The following PSMG4 variants were observed in gnomAD, a reference collection of about 807,000 sequenced individuals.
PSMG4 encodes the protein proteasome assembly chaperone 4.
In PSMG4, 10 loss-of-function variants were observed where a neutral mutation model predicts 11.0. That is an observed-to-expected ratio of 0.91 (90% CI 0.56 to 1.54). The LOEUF (loss-of-function observed/expected upper bound fraction) is 1.54, where lower values mean the gene tolerates loss of function less well. Ranked by LOEUF, PSMG4 falls within the 40% of genes most tolerant of loss-of-function variation. The pLI, the probability that PSMG4 is intolerant of heterozygous loss-of-function variation, is 0.00. For missense variants in PSMG4, 198 were observed against 160.9 expected (o/e 1.23, Z -1.25); for synonymous variants, 95 against 71.3 (o/e 1.33, Z -1.68).
At chr6:3,258,761 G>T, upstream of PSMG4, 1 of 339,664 alleles carries the variant, frequency 2.9e-6, no homozygotes, top group Non-Finnish European at 5.3e-6. Context: ...AGCCCGTCCA[G>T]AGAGGTACTG....
At chr6:3,254,698 C>A (rs552063579), upstream of PSMG4, among the ~76,000 whole-genome samples, 2 of 152,132 alleles carry the variant, frequency 1.3e-5, no homozygotes, top group African/African-American at 4.8e-5. Context: ...CAGAAAGAAG[C>A]TGTGGGATGC....
upstream of PSMG4, among the ~76,000 whole-genome samples, chr6:3,254,598 A>G (rs1364638472): frequency 1.3e-5 from 2 of 152,092 alleles, no homozygotes; most frequent in Non-Finnish European, 2.9e-5. Flanking sequence ...GGAAGTAAAT[A>G]ATTCCAGTAG....
intron 1 of PSMG4, among the ~76,000 whole-genome samples, chr6:3,259,832 C>T (rs1010696423): frequency 3.3e-5 from 5 of 152,206 alleles, no homozygotes; most frequent in East Asian, 1.9e-4. Context: ...TATCATTTCC[C>T]CTCCTCTCCC....
chr6:3,255,656 C>T (rs942765168), upstream of PSMG4, among the ~76,000 whole-genome samples: 13 of 152,164 alleles, frequency 8.5e-5, no homozygotes, highest in Admixed American at 3.3e-4. Flanking sequence ...CAAACGAGTC[C>T]GAGAGCCTTA....
chr6:3,255,012 G>T, upstream of PSMG4: 4 of 1,544,740 alleles, frequency 2.6e-6, no homozygotes, highest in Non-Finnish European at 3.5e-6. Flanking sequence ...TCCCATGTGG[G>T]AGCGCTGGGA....
chr6:3,260,291 A>ATATATTTTTTTTTTT, intron 1 of PSMG4, among the ~76,000 whole-genome samples: 2 of 70,866 alleles, frequency 2.8e-5, no homozygotes, highest in African/African-American at 1.1e-4. Context: ...ATATATATAT[A>ATATATTTTTTTTTTT]TTTTTTTTTT....
intron 1 of PSMG4, among the ~76,000 whole-genome samples, chr6:3,263,106 G>T (rs1758053913): frequency 3.3e-5 from 5 of 151,822 alleles, no homozygotes; most frequent in Admixed American, 2.0e-4. Flanking sequence ...AATGAGGTTG[G>T]CCAAGCATGT....
chr6:3,260,291 A>ATTTTTTTT (rs869076629), intron 1 of PSMG4, among the ~76,000 whole-genome samples: 3,616 of 70,736 alleles, frequency 0.051, 418 homozygotes, highest in Admixed American at 0.095. Context: ...ATATATATAT[A>ATTTTTTTT]TTTTTTTTTT....
intron 1 of PSMG4, among the ~76,000 whole-genome samples, chr6:3,261,121 T>G (rs1757974561): frequency 6.6e-6 from 1 of 152,152 alleles, no homozygotes; most frequent in East Asian, 1.9e-4. Context: ...TGACTGAGGG[T>G]GCTGGGGGCA....
intron 2 of PSMG4, chr6:3,266,930 A>G (rs1758205040): frequency 6.6e-6 from 1 of 150,382 alleles, no homozygotes; most frequent in African/African-American, 2.4e-5. Context: ...ATCTTGGCTC[A>G]CTGCAAGCTC....
upstream of PSMG4, among the ~76,000 whole-genome samples, chr6:3,254,586 A>G (rs917726223): frequency 6.6e-5 from 10 of 152,154 alleles, no homozygotes; most frequent in Non-Finnish European, 1.2e-4. Context: ...GAACCCAACG[A>G]TGGAAGTAAA....
At chr6:3,265,155 C>A (rs1300392402) in intron 2 of PSMG4, 2 of 152,236 alleles carry the variant, frequency 1.3e-5, no homozygotes, top group East Asian at 3.8e-4. Flanking sequence ...CTCAACAAGT[C>A]ACGGGTGTGC....
At chr6:3,262,113 G>C (rs1758013236) in intron 1 of PSMG4, among the ~76,000 whole-genome samples, 1 of 152,202 alleles carries the variant, frequency 6.6e-6, no homozygotes, top group African/African-American at 2.4e-5. Context: ...AGTCCTACCA[G>C]CTTGAGGGAA....
chr6:3,262,423 A>G (rs79498028), intron 1 of PSMG4, among the ~76,000 whole-genome samples: 1,757 of 152,382 alleles, frequency 0.012, 39 homozygotes, highest in East Asian at 0.094. Context: ...ATCTGTAAAC[A>G]GCAGGCTCAT....
chr6:3,256,595 G>A (rs1429837428), upstream of PSMG4, among the ~76,000 whole-genome samples: 1 of 151,856 alleles, frequency 6.6e-6, no homozygotes, highest in African/African-American at 2.4e-5. Flanking sequence ...CCAGGCCCAG[G>A]CATCATAATG....
intron 2 of PSMG4, chr6:3,265,937 TAAA>T: frequency 6.9e-6 from 1 of 144,574 alleles, no homozygotes; most frequent in African/African-American, 2.6e-5. Context: ...TTTTTTTTAA[TAAA>T]AAAACAGCTT....
At chr6:3,255,230 G>A (rs756682507), upstream of PSMG4, 4 of 1,549,472 alleles carry the variant, frequency 2.6e-6, no homozygotes, top group East Asian at 4.9e-5. Context: ...ATCAACTCTG[G>A]TAAGCCTTCC....
upstream of PSMG4, among the ~76,000 whole-genome samples, chr6:3,256,158 ATGCT>A (rs1289519443): frequency 2.6e-5 from 4 of 152,220 alleles, no homozygotes; most frequent in Middle Eastern, 3.2e-3. Flanking sequence ...TGTTTTTGAC[ATGCT>A]TGCTTGGCTG....
chr6:3,260,293 T>TATATATATATATA (rs1561840992), intron 1 of PSMG4, among the ~76,000 whole-genome samples: 2 of 89,710 alleles, frequency 2.2e-5, no homozygotes, highest in African/African-American at 9.4e-5. Context: ...ATATATATAT[T>TATATATATATATA]TTTTTTTTTT....
Sources: gnomAD v4.1 joint callset for allele counts (sites outside exome capture counted in the v4.1 genomes callset) on GRCh38, gnomAD v4.1.1 for gene constraint, MANE v1.5 for transcripts, NCBI Gene and HGNC (gene_info 2026-07-23, HGNC 2026-07-21) for gene names.